TECPR2: variants seen among roughly 807,000 people sequenced by gnomAD.
TECPR2 encodes tectonin beta-propeller repeat containing 2, also known as tectonin beta-propeller repeat-containing protein 2.
Under a neutral mutation model 138.1 loss-of-function variants are expected in TECPR2, and 65 were observed. The observed-to-expected ratio is 0.47, with a 90% confidence interval of 0.39 to 0.58. The LOEUF is 0.58. TECPR2 is among the 20% of genes least tolerant of loss of function. The probability of loss-of-function intolerance (pLI) is 0.00; values close to 1 mark genes in which losing one functional copy is unlikely to be tolerated. For missense variants in TECPR2, 1,553 were observed against 1,824.5 expected (o/e 0.85, Z 2.71); for synonymous variants, 746 against 749.8 (o/e 0.99, Z 0.08).
intron 1 of TECPR2, among the ~76,000 whole-genome samples, chr14:102,368,433 T>G (rs1445086208): frequency 6.6e-6 from 1 of 152,136 alleles, no homozygotes; most frequent in Non-Finnish European, 1.5e-5. Flanking sequence ...CTCAAATTCC[T>G]GGGTTCAATC....
At chr14:102,386,701 A>G (rs1888015518) in intron 2 of TECPR2, among the ~76,000 whole-genome samples, 1 of 152,164 alleles carries the variant, frequency 6.6e-6, no homozygotes, top group Non-Finnish European at 1.5e-5. Flanking sequence ...AGGAATTACT[A>G]GAAATTTTTG....
intron 14 of TECPR2, among the ~76,000 whole-genome samples, 177 bp downstream of exon 14, chr14:102,450,046 C>A (rs1852583657): frequency 6.6e-6 from 1 of 152,190 alleles, no homozygotes; most frequent in African/African-American, 2.4e-5. Context: ...TTTAAAAAAT[C>A]TGTCATTCCT....
rs956894657 is a variant in TECPR2, at chr14:102,445,797, T to G, written c.2934-9T>G. ...GTGCTGACCCCCCTGTTCTCCTCCT[T>G]ATTTTCAGCGAAAGGCAAGCTTTAG... On this transcript the variant is annotated splice_polypyrimidine_tract_variant and intron_variant, in intron 12 of 19. Transcript: ENST00000359520. 8.7e-6 allele frequency: 14 copies of G among 1,613,166 alleles called. No homozygotes were observed. The highest frequency in any genetic ancestry group is 2.7e-5 in the African/African-American group (2 of 74,824).
intron 13 of TECPR2, among the ~76,000 whole-genome samples, chr14:102,446,210 G>A (rs1008551667): frequency 6.6e-6 from 1 of 151,984 alleles, no homozygotes; most frequent in Non-Finnish European, 1.5e-5. Flanking sequence ...GGGACTACAG[G>A]CGTGTGCCAC....
intron 17 of TECPR2, among the ~76,000 whole-genome samples, chr14:102,474,830 G>A (rs529888656): frequency 6.6e-6 from 1 of 152,076 alleles, no homozygotes; most frequent in African/African-American, 2.4e-5. Context: ...AACCCCAGTA[G>A]GTTGTCCCCC....
At chr14:102,452,001 T>G (rs1221491988) in intron 15 of TECPR2, among the ~76,000 whole-genome samples, 1 of 151,958 alleles carries the variant, frequency 6.6e-6, no homozygotes, top group East Asian at 1.9e-4. Context: ...GGGCACCGAG[T>G]TGATAGTCTT....
chr14:102,377,727 A>G (rs12590993), intron 2 of TECPR2, among the ~76,000 whole-genome samples: 39,967 of 152,132 alleles, frequency 0.26, 6,106 homozygotes, highest in East Asian at 0.47. Flanking sequence ...AGAAAGAAAA[A>G]AAGAGAACAT....
rs904456668 is a variant in TECPR2, at chr14:102,419,212, G to T, written c.638+4419G>T. On this transcript the variant is annotated intron_variant, in intron 5 of 19. Coordinates refer to ENST00000359520, the MANE Select transcript of TECPR2 (RefSeq NM_014844.5). This position sits in a 1 kb window ranked among gnomAD's most constrained non-coding sequence, Gnocchi z 4.8. Reference sequence around the variant, plus strand: ...GGGACATAGCAGCTGCTGCGAGACCGGGGGCTGAGGCAGCTTCGACGGGCC... The same window carrying T: ...GGGACATAGCAGCTGCTGCGAGACCTGGGGCTGAGGCAGCTTCGACGGGCC... Among the ~76,000 whole-genome samples, 2 of 152,102 alleles carry T rather than the reference G, an allele frequency of 1.3e-5. No individual in the cohort carries two copies. The highest frequency in any genetic ancestry group is 4.8e-5 in the African/African-American group (2 of 41,412).
intron 17 of TECPR2, among the ~76,000 whole-genome samples, chr14:102,488,442 C>A (rs1208053312): frequency 6.6e-6 from 1 of 151,434 alleles, no homozygotes; most frequent in Non-Finnish European, 1.5e-5. Flanking sequence ...TGGGTTCAAG[C>A]AATTCTTCTG....
At position 102,423,914 on chromosome 14, in the gene TECPR2, C is replaced by T. The variant is rs577567133; in HGVS notation, c.639-1065C>T. 5.9e-5 allele frequency among the ~76,000 whole-genome samples: 9 copies of T among 152,288 alleles called. No homozygotes were observed. The South Asian group carries it at 8.3e-4, about 14-fold the overall frequency. On this transcript the variant is annotated intron_variant, in intron 5 of 19. Coordinates refer to ENST00000359520, the MANE Select transcript of TECPR2 (RefSeq NM_014844.5). ...ATGTGGACTGAGCACAGCAATCAGACGTCAGAAGCAACAGAATCAGAGCAG... is the reference window on the plus strand; with the variant it reads ...ATGTGGACTGAGCACAGCAATCAGATGTCAGAAGCAACAGAATCAGAGCAG...
rs1889162908 is a variant in TECPR2, at chr14:102,420,954, A to G, written c.639-4025A>G. 6.6e-6 allele frequency among the ~76,000 whole-genome samples: 1 copy of G among 152,176 alleles called. No individual in the cohort carries two copies. Among genetic ancestry groups the G allele is most frequent in the Non-Finnish European group, 1.5e-5 (1 of 68,030 alleles). ...CCTCAGATGGCGCTTCCAGATGCTGATGTGATTGTTCACACAGGTCAGCAC... is the reference window on the plus strand; with the variant it reads ...CCTCAGATGGCGCTTCCAGATGCTGGTGTGATTGTTCACACAGGTCAGCAC... On this transcript the variant is annotated intron_variant, in intron 5 of 19. Coordinates refer to ENST00000359520, the MANE Select transcript of TECPR2 (RefSeq NM_014844.5). The surrounding 1 kb of genome is among the most constrained non-coding windows in gnomAD (Gnocchi z 4.1).
chr14:102,488,525 G>A (rs960241417), intron 17 of TECPR2, among the ~76,000 whole-genome samples: 2 of 150,998 alleles, frequency 1.3e-5, no homozygotes, highest in Admixed American at 6.6e-5. Flanking sequence ...TTTTTTTTTA[G>A]TAGAGACGAG....
chr14:102,487,238 G>GTGC (rs1891048981), intron 17 of TECPR2, among the ~76,000 whole-genome samples: 1 of 152,230 alleles, frequency 6.6e-6, no homozygotes, highest in Admixed American at 6.5e-5. Flanking sequence ...TGGGGCATTT[G>GTGC]TGCTGCCGCT....
At chr14:102,455,956 G>A (rs1368456825) in intron 16 of TECPR2, among the ~76,000 whole-genome samples, 1 of 152,122 alleles carries the variant, frequency 6.6e-6, no homozygotes, top group Non-Finnish European at 1.5e-5. Flanking sequence ...GTTTTATCAT[G>A]TTGGCCAGGC....
intron 17 of TECPR2, among the ~76,000 whole-genome samples, chr14:102,474,398 G>A (rs933071355): frequency 1.4e-4 from 21 of 152,236 alleles, no homozygotes; most frequent in Non-Finnish European, 2.5e-4. Context: ...GCCCATGTGG[G>A]CAGATCACCT....
rs1376703439 is a variant in TECPR2, at chr14:102,421,446, G to A, written c.639-3533G>A. Among the ~76,000 whole-genome samples, 45 of 152,210 alleles carry A rather than the reference G, an allele frequency of 3.0e-4. 1 individual carries two copies. Among genetic ancestry groups the A allele is most frequent in the Admixed American group, 2.9e-3 (45 of 15,284 alleles). On this transcript the variant is annotated intron_variant, in intron 5 of 19. Transcript: ENST00000359520. ...CTTGGACCCTATCCAAAGGGATTTA[G>A]TTACTGAGGTGCCAGAGGGACCTAG...
intron 10 of TECPR2, among the ~76,000 whole-genome samples, chr14:102,439,220 C>T: frequency 6.6e-6 from 1 of 152,036 alleles, no homozygotes; most frequent in Non-Finnish European, 1.5e-5. Context: ...CCAGTGGGGA[C>T]ACTTTTGCCT....
intron 17 of TECPR2, among the ~76,000 whole-genome samples, chr14:102,471,513 G>A (rs922101163): frequency 6.6e-6 from 1 of 151,732 alleles, no homozygotes; most frequent in Admixed American, 6.6e-5. Context: ...AGACCAGCCT[G>A]GGCAACATAG....
At chr14:102,427,325 A>G (rs1889350030) in intron 6 of TECPR2, among the ~76,000 whole-genome samples, 1 of 152,180 alleles carries the variant, frequency 6.6e-6, no homozygotes, top group South Asian at 2.1e-4. Flanking sequence ...TGCTTTACCC[A>G]GTAGGTATAA....
Sources: allele counts gnomAD v4.1 joint callset (sites outside exome capture counted in the v4.1 genomes callset), GRCh38; gene constraint gnomAD v4.1.1; non-coding constraint Gnocchi (gnomAD v3.1); transcripts MANE v1.5; gene names NCBI Gene and HGNC (gene_info 2026-07-23, HGNC 2026-07-21).